MEF2A: variants seen among roughly 807,000 people sequenced by gnomAD.
MEF2A encodes the protein myocyte enhancer factor 2A.
In MEF2A, 28 loss-of-function variants were observed where a neutral mutation model predicts 55.8. The ratio of observed to expected loss-of-function variants is 0.50; its 90% CI spans 0.37 to 0.69. The LOEUF is 0.69. Among genes scored for constraint, MEF2A ranks in the 30% least tolerant of loss-of-function variants. MEF2A has a pLI of 0.00. For synonymous variants in MEF2A, 239 were observed against 227.1 expected, an observed-to-expected ratio of 1.05 and a Z score of -0.47; for missense variants, 528 against 626.2, an observed-to-expected ratio of 0.84 and a Z score of 1.67.
intron 3 of MEF2A, among the ~76,000 whole-genome samples, chr15:99,636,031 A>AG (rs2043771010): frequency 6.6e-6 from 1 of 152,130 alleles, no homozygotes; most frequent in South Asian, 2.1e-4. Flanking sequence ...AGAGTGTAAG[A>AG]GTTCTAGCTG....
chr15:99,577,428 G>T (rs989917151), intron 1 of MEF2A, among the ~76,000 whole-genome samples: 1 of 115,138 alleles, frequency 8.7e-6, no homozygotes, highest in Non-Finnish European at 2.1e-5. Flanking sequence ...TTCACGGTCA[G>T]GGGGGAGTAT....
Position 99,706,509 on chromosome 15 carries a change from G to C in MEF2A, c.883-220G>C, listed in dbSNP as rs1168220465. 9.8e-6 allele frequency: 5 copies of C among 511,332 alleles called. No individual in the cohort carries two copies. In the East Asian group the frequency reaches 1.8e-4, roughly 19 times the overall value. 31.7% of individuals were successfully genotyped at this position (511,332 alleles called of 1,614,324 possible). On this transcript the variant is annotated intron_variant, in intron 9 of 11. Transcript: ENST00000557942. ...GTTCCTATTTTAACGTGGGGTGTCTGACACTAATCAACTATTTTAAAAGAA... is the reference window on the plus strand; with the variant it reads ...GTTCCTATTTTAACGTGGGGTGTCTCACACTAATCAACTATTTTAAAAGAA...
intron 1 of MEF2A, among the ~76,000 whole-genome samples, chr15:99,574,692 A>G (rs1473035559): frequency 6.6e-6 from 1 of 152,148 alleles, no homozygotes; most frequent in Non-Finnish European, 1.5e-5. Context: ...AGCGACGGGG[A>G]GCGGCTGTAA....
chr15:99,630,136 C>T (rs764937944), intron 2 of MEF2A, among the ~76,000 whole-genome samples: 1 of 151,950 alleles, frequency 6.6e-6, no homozygotes, highest in Non-Finnish European at 1.5e-5. Flanking sequence ...CTCGATGTCT[C>T]ATTGGTCAGT....
chr15:99,632,107 G>T (rs931112438), intron 2 of MEF2A, among the ~76,000 whole-genome samples: 3 of 152,122 alleles, frequency 2.0e-5, no homozygotes, highest in African/African-American at 7.2e-5. Flanking sequence ...ATCATTTCCA[G>T]TCATCCTACT....
intron 4 of MEF2A, among the ~76,000 whole-genome samples, chr15:99,656,840 A>G (rs2047808169): frequency 1.3e-5 from 2 of 152,118 alleles, no homozygotes. Flanking sequence ...ACCAGTGTAG[A>G]TTATGCAGTT....
intron 2 of MEF2A, among the ~76,000 whole-genome samples, chr15:99,601,838 T>C (rs1481907667): frequency 7.7e-6 from 1 of 129,332 alleles, no homozygotes; most frequent in East Asian, 2.3e-4. Context: ...TGTGTGTGTG[T>C]GTGTGTGTGT....
At chr15:99,657,839 A>G (rs1252802388) in intron 4 of MEF2A, among the ~76,000 whole-genome samples, 3 of 152,164 alleles carry the variant, frequency 2.0e-5, no homozygotes, top group Non-Finnish European at 2.9e-5. Context: ...ACACGAAAAG[A>G]AAAATAGAAC....
intron 1 of MEF2A, among the ~76,000 whole-genome samples, chr15:99,590,117 C>G (rs1968747168): frequency 1.3e-5 from 2 of 152,020 alleles, no homozygotes; most frequent in African/African-American, 2.4e-5. Flanking sequence ...TTGTAGATAT[C>G]TATTTCTCCT....
intron 3 of MEF2A, among the ~76,000 whole-genome samples, chr15:99,633,483 A>G (rs2043257875): frequency 6.6e-6 from 1 of 152,078 alleles, no homozygotes; most frequent in African/African-American, 2.4e-5. Context: ...ATTTGATTAT[A>G]TATTTGACTG....
At chr15:99,620,061 A>G (rs554878178) in intron 2 of MEF2A, among the ~76,000 whole-genome samples, 1 of 152,366 alleles carries the variant, frequency 6.6e-6, no homozygotes, top group Non-Finnish European at 1.5e-5. Context: ...TTTTTTTCGT[A>G]CCACGACAGT....
chr15:99,688,337 A>C (rs775251027), intron 7 of MEF2A, among the ~76,000 whole-genome samples: 1 of 152,252 alleles, frequency 6.6e-6, no homozygotes, highest in Non-Finnish European at 1.5e-5. Flanking sequence ...CATGTAACCG[A>C]AAGATCCAGA....
At chr15:99,668,577 C>G (rs1282043374) in intron 4 of MEF2A, among the ~76,000 whole-genome samples, 1 of 152,182 alleles carries the variant, frequency 6.6e-6, no homozygotes, top group Non-Finnish European at 1.5e-5. Flanking sequence ...ATAGAGAGTA[C>G]TCAGTGCTAG....
chr15:99,605,098 A>G (rs532863814), intron 2 of MEF2A, among the ~76,000 whole-genome samples: 12 of 152,178 alleles, frequency 7.9e-5, no homozygotes, highest in African/African-American at 2.4e-4. Flanking sequence ...GTCACGCATC[A>G]CCACACCCAG....
chr15:99,625,406 C>G lies in MEF2A; in HGVS notation c.-142-7572C>G, dbSNP rs566865995. On this transcript the variant is annotated intron_variant, in intron 2 of 11. Transcript: ENST00000557942. ...TGAAAGGATTCTAGGGGACAAAAGA[C>G]ATCATGTCATCTTAAAACAGATATT... 1.6e-4 allele frequency among the ~76,000 whole-genome samples: 24 copies of G among 152,208 alleles called. No individual in the cohort carries two copies. In the South Asian group the frequency reaches 5.0e-3, roughly 32 times the overall value.
chr15:99,676,091 G>C (rs1465219823), intron 7 of MEF2A, among the ~76,000 whole-genome samples: 1 of 151,332 alleles, frequency 6.6e-6, no homozygotes, highest in Non-Finnish European at 1.5e-5. Context: ...AAATGATGAG[G>C]AAGAAATAAA....
At chr15:99,613,664 C>T (rs953253469) in intron 2 of MEF2A, among the ~76,000 whole-genome samples, 12 of 152,080 alleles carry the variant, frequency 7.9e-5, no homozygotes, top group African/African-American at 2.7e-4. Flanking sequence ...AGGTTATCAG[C>T]GTTGATAGCA....
chr15:99,593,342 C>T (rs1970009293), intron 1 of MEF2A, among the ~76,000 whole-genome samples: 1 of 152,130 alleles, frequency 6.6e-6, no homozygotes, highest in African/African-American at 2.4e-5. Context: ...TTCCAGGCCT[C>T]ACAGTGCGGG....
At chr15:99,617,478 A>G (rs1287935280) in intron 2 of MEF2A, among the ~76,000 whole-genome samples, 1 of 152,160 alleles carries the variant, frequency 6.6e-6, no homozygotes, top group Non-Finnish European at 1.5e-5. Context: ...AAAATGACCT[A>G]CCTAAAACAT....
Sources: gnomAD v4.1 joint callset for allele counts (sites outside exome capture counted in the v4.1 genomes callset) on GRCh38, gnomAD v4.1.1 for gene constraint, MANE v1.5 for transcripts, NCBI Gene and HGNC (gene_info 2026-07-23, HGNC 2026-07-21) for gene names.